The following SATB2 variants were observed in gnomAD, a reference collection of about 807,000 sequenced individuals.
The protein encoded by SATB2 is SATB homeobox 2.
In SATB2, 1 loss-of-function variant was observed where a neutral mutation model predicts 73.4. That is an observed-to-expected ratio of 0.01 (90% CI 0.00 to 0.06). SATB2 has a LOEUF of 0.06. Among genes scored for constraint, SATB2 ranks in the 10% least tolerant of loss-of-function variants. The pLI is 1.00. For missense variants in SATB2, 459 were observed against 945.8 expected, an observed-to-expected ratio of 0.49 and a Z score of 6.75; for synonymous variants, 397 against 367.0, an observed-to-expected ratio of 1.08 and a Z score of -0.93.
At chr2:199,398,499 C>T (rs1690371321) in intron 3 of SATB2, among the ~76,000 whole-genome samples, 1 of 152,140 alleles carries the variant, frequency 6.6e-6, no homozygotes, top group Non-Finnish European at 1.5e-5. Flanking sequence ...GAGAATAGCT[C>T]TAGGGGGCAG....
intron 10 of SATB2, among the ~76,000 whole-genome samples, chr2:199,297,007 C>T (rs1687121081): frequency 6.6e-6 from 1 of 152,198 alleles, no homozygotes; most frequent in Non-Finnish European, 1.5e-5. Flanking sequence ...AGCCATACTA[C>T]ACTTAGACTT....
In SATB2 at chr2:199,308,806, C is replaced by A; in HGVS notation, c.1694G>T (p.Ser565Ile). The stretch of plus-strand genomic sequence containing the variant: ...CTGGACCACGTGTTGCATGCGTTCG[C>A]TGTGGTGATGCCTTGACTCCTCCTC... ...IYEEESRHHH[S>I]ERMQHVVQLP... Residue 565 changes from serine to isoleucine, a missense_variant, in exon 10 of 11, where the codon AGC becomes ATC. By Grantham distance (142) the Ser-to-Ile change is moderately radical. Transcript: ENST00000417098. The surrounding 1 kb of genome is among the most constrained non-coding windows in gnomAD (Gnocchi z 4.6). 3 of 1,614,158 alleles carry A rather than the reference C, an allele frequency of 1.9e-6. No homozygotes were observed. The highest frequency in any genetic ancestry group is 2.5e-6 in the Non-Finnish European group (3 of 1,180,018).
intron 7 of SATB2, among the ~76,000 whole-genome samples, chr2:199,334,802 C>T (rs899199425): frequency 4.6e-5 from 7 of 152,086 alleles, no homozygotes; most frequent in Admixed American, 2.0e-4. Context: ...GTTAAATCAG[C>T]GACATGGCTG....
chr2:199,300,059 A>T (rs1687235244), intron 10 of SATB2, among the ~76,000 whole-genome samples: 1 of 152,062 alleles, frequency 6.6e-6, no homozygotes, highest in Admixed American at 6.6e-5. Flanking sequence ...TCATTGCTCT[A>T]TGCTGCTCAA....
chr2:199,444,209 T>C (rs1475761246), intron 2 of SATB2, among the ~76,000 whole-genome samples: 1 of 152,022 alleles, frequency 6.6e-6, no homozygotes, highest in Non-Finnish European at 1.5e-5. Context: ...TGCATATAAA[T>C]CTCTTGGAAA....
chr2:199,415,742 T>C (rs1384471257), intron 3 of SATB2, among the ~76,000 whole-genome samples: 3 of 152,218 alleles, frequency 2.0e-5, no homozygotes, highest in Non-Finnish European at 4.4e-5. Context: ...GGGTCTACTG[T>C]GGCCACGCAA....
chr2:199,413,578 C>CT lies in SATB2; in HGVS notation c.346+19759dup, dbSNP rs764141695. On this transcript the variant is annotated intron_variant, in intron 3 of 10. Transcript: ENST00000417098. ...GTCCACTTTTCCTACTAGAGAGTCG[C>CT]TTTTTTTTTTTTTTTTCTGAGCAGC... Among the ~76,000 whole-genome samples, 729 of 129,338 alleles carry CT rather than the reference C, an allele frequency of 5.6e-3. 5 individuals carry two copies. Among genetic ancestry groups the CT allele is most frequent in the East Asian group, 0.024 (99 of 4,050 alleles). 84.9% of individuals were successfully genotyped at this position (129,338 alleles called of 152,430 possible). A position where few individuals can be genotyped will look rare whatever the true frequency, so the allele number is the denominator to read the frequency against.
chr2:199,284,907 G>C (rs1692640250), intron 10 of SATB2, among the ~76,000 whole-genome samples: 1 of 151,980 alleles, frequency 6.6e-6, no homozygotes, highest in Admixed American at 6.6e-5. Flanking sequence ...GGTATCATAA[G>C]TAAACTAGAG....
chr2:199,333,401 G>T (rs983620146), intron 7 of SATB2, among the ~76,000 whole-genome samples: 1 of 151,596 alleles, frequency 6.6e-6, no homozygotes, highest in African/African-American at 2.4e-5. Flanking sequence ...AGGATTCAGG[G>T]AAAAAAAATT....
At chr2:199,283,147 G>A (rs191344541) in intron 10 of SATB2, among the ~76,000 whole-genome samples, 45 of 149,616 alleles carry the variant, frequency 3.0e-4, no homozygotes, top group Non-Finnish European at 4.4e-4. Flanking sequence ...GCAATGGTGC[G>A]ATCTCGGCTC....
chr2:199,412,297 T>C (rs1690844434), intron 3 of SATB2, among the ~76,000 whole-genome samples: 1 of 152,194 alleles, frequency 6.6e-6, no homozygotes, highest in East Asian at 1.9e-4. Flanking sequence ...TTGTCTGCAG[T>C]AGTCCTGACT....
chr2:199,347,674 T>C (rs1688695310), intron 7 of SATB2: 1 of 152,232 alleles, frequency 6.6e-6, no homozygotes, highest in Admixed American at 6.6e-5. Flanking sequence ...CTGGAAGTAT[T>C]CCTCACCTCC....
chr2:199,404,146 G>A (rs1690564999), intron 3 of SATB2, among the ~76,000 whole-genome samples: 1 of 152,218 alleles, frequency 6.6e-6, no homozygotes, highest in Non-Finnish European at 1.5e-5. Context: ...GACTGCCAAA[G>A]GGGACATGTA....
At chr2:199,291,393 G>T (rs1692853361) in intron 10 of SATB2, among the ~76,000 whole-genome samples, 1 of 152,046 alleles carries the variant, frequency 6.6e-6, no homozygotes, top group Non-Finnish European at 1.5e-5. Context: ...AATAAATAAT[G>T]GAAGTTAAGA....
At chr2:199,462,851 C>A (rs903257155), upstream of SATB2, among the ~76,000 whole-genome samples, 1 of 152,130 alleles carries the variant, frequency 6.6e-6, no homozygotes, top group Admixed American at 6.5e-5. The surrounding 1 kb of genome is among the most constrained non-coding windows in gnomAD (Gnocchi z 5.9). Context: ...ACCCCAGAGG[C>A]CCGAGGGTCT....
intron 7 of SATB2, among the ~76,000 whole-genome samples, chr2:199,335,689 G>C (rs148412938): frequency 1.3e-5 from 2 of 152,116 alleles, no homozygotes; most frequent in African/African-American, 4.8e-5. Context: ...GCAGGCTCTG[G>C]AGACTACATA....
chr2:199,461,904 G>A (rs2105966324), upstream of SATB2, among the ~76,000 whole-genome samples: 1 of 152,180 alleles, frequency 6.6e-6, no homozygotes, highest in South Asian at 2.1e-4. Context: ...CCAAGTTTTT[G>A]TTGTGCGTGC....
chr2:199,425,254 T>C (rs1574617139), intron 3 of SATB2, among the ~76,000 whole-genome samples: 1 of 152,218 alleles, frequency 6.6e-6, no homozygotes, highest in African/African-American at 2.4e-5. Flanking sequence ...ACCTGGATCA[T>C]TTTACGTGAA....
At chr2:199,452,035 A>T (rs1189235586) in intron 2 of SATB2, among the ~76,000 whole-genome samples, 4 of 152,212 alleles carry the variant, frequency 2.6e-5, no homozygotes, top group Admixed American at 6.6e-5. Context: ...TTTTTTTAAT[A>T]AAAAAAGCAA....
Sources: allele counts gnomAD v4.1 joint callset (sites outside exome capture counted in the v4.1 genomes callset), GRCh38; gene constraint gnomAD v4.1.1; non-coding constraint Gnocchi (gnomAD v3.1); transcripts MANE v1.5; gene names NCBI Gene and HGNC (gene_info 2026-07-23, HGNC 2026-07-21).